Variants in CIMAP1B observed in about 807,000 individuals in gnomAD.
CIMAP1B encodes orf2 5' to PD-ECGF/TP.
the CIMAP1B span, chr22:50,530,971 C>T: frequency 1.2e-6 from 2 of 1,611,438 alleles, no homozygotes; most frequent in Non-Finnish European, 1.7e-6. Context: ...GCCAGCCGCT[C>T]TGCGGCCGTA....
the CIMAP1B span, chr22:50,531,936 C>G: frequency 1.5e-6 from 2 of 1,315,104 alleles, no homozygotes; most frequent in African/African-American, 1.5e-5. Flanking sequence ...AGGCGCCGTC[C>G]CACCCCTCAA....
chr22:50,531,755 G>A, the CIMAP1B span: 53 of 1,371,808 alleles, frequency 3.9e-5, no homozygotes, highest in African/African-American at 8.1e-4. Flanking sequence ...CGGCCGCGAC[G>A]GGTCATGCAG....
At chr22:50,530,628 C>G in the CIMAP1B span, 1 of 1,572,914 alleles carries the variant, frequency 6.4e-7, no homozygotes, top group Non-Finnish European at 8.6e-7. Flanking sequence ...CCCCTGGACC[C>G]CCGGGGACTC....
the CIMAP1B span, chr22:50,531,577 C>T: frequency 4.9e-6 from 7 of 1,414,952 alleles, no homozygotes; most frequent in Admixed American, 3.5e-5. Context: ...GACCAGGTCC[C>T]GGAGTGAGGA....
At chr22:50,532,284 G>A in the CIMAP1B span, 1 of 668,168 alleles carries the variant, frequency 1.5e-6, no homozygotes, top group Non-Finnish European at 2.1e-6. Context: ...GGCCGGGAGC[G>A]GATCCAGGGC....
chr22:50,532,147 C>T, the CIMAP1B span: 1 of 1,316,504 alleles, frequency 7.6e-7, no homozygotes, highest in Non-Finnish European at 9.7e-7. Flanking sequence ...GCCCCTGCAC[C>T]GCAAATTCTT....
the CIMAP1B span, chr22:50,530,478 G>C: frequency 6.3e-7 from 1 of 1,594,550 alleles, no homozygotes; most frequent in Non-Finnish European, 8.5e-7. Context: ...CCGCCTGGCG[G>C]GTCAGTTGTC....
the CIMAP1B span, chr22:50,532,017 C>T: frequency 7.4e-7 from 1 of 1,360,330 alleles, no homozygotes; most frequent in Non-Finnish European, 9.5e-7. Context: ...CCGTAGTGCG[C>T]CGCGATGGGG....
the CIMAP1B span, chr22:50,531,294 G>T: frequency 6.2e-7 from 1 of 1,606,490 alleles, no homozygotes; most frequent in Admixed American, 1.7e-5. Flanking sequence ...GGAAGTACCT[G>T]CCTGCGGGGC....
the CIMAP1B span, chr22:50,532,315 C>T: frequency 2.2e-6 from 1 of 450,174 alleles, no homozygotes; most frequent in Non-Finnish European, 3.6e-6. Flanking sequence ...ACTCCAGGCG[C>T]ATTAGGCAGG....
chr22:50,531,637 G>T, the CIMAP1B span: 3 of 1,384,278 alleles, frequency 2.2e-6, no homozygotes, highest in Non-Finnish European at 2.8e-6. Context: ...CGGGGGCGCC[G>T]TCGGTGCCGC....
chr22:50,530,527 G>A, the CIMAP1B span: 1 of 1,600,710 alleles, frequency 6.2e-7, no homozygotes, highest in African/African-American at 1.3e-5. Flanking sequence ...TCCGAGTGCC[G>A]GATCCCGAAA....
chr22:50,531,851 A>AC, the CIMAP1B span: 7 of 1,315,034 alleles, frequency 5.3e-6, no homozygotes, highest in South Asian at 4.5e-5. Context: ...CCCGGCACAG[A>AC]CCCCCTCTCC....
chr22:50,531,140 G>A, the CIMAP1B span: 3 of 1,589,502 alleles, frequency 1.9e-6, no homozygotes, highest in East Asian at 2.2e-5. Context: ...GGCGGTCCCC[G>A]GTCTCGAGTG....
At chr22:50,530,476 C>T in the CIMAP1B span, 6 of 1,592,886 alleles carry the variant, frequency 3.8e-6, no homozygotes, top group Admixed American at 1.8e-5. Flanking sequence ...TCCCGCCTGG[C>T]GGGTCAGTTG....
At chr22:50,532,143 G>T in the CIMAP1B span, 9 of 1,320,266 alleles carry the variant, frequency 6.8e-6, no homozygotes, top group Non-Finnish European at 8.8e-6. Flanking sequence ...CGCGGCCCCT[G>T]CACCGCAAAT....
the CIMAP1B span, chr22:50,530,563 G>A: frequency 1.7e-4 from 265 of 1,586,214 alleles, 1 homozygote; most frequent in African/African-American, 3.2e-3. Context: ...TTCCGGTGCT[G>A]CGGGCCCGGA....
the CIMAP1B span, chr22:50,531,418 G>C: frequency 2.7e-6 from 3 of 1,091,766 alleles, no homozygotes; most frequent in Admixed American, 8.6e-5. Flanking sequence ...CGTGGGGTTC[G>C]GGGTTTGGGA....
chr22:50,530,900 C>T, the CIMAP1B span: 1 of 1,608,806 alleles, frequency 6.2e-7, no homozygotes, highest in Non-Finnish European at 8.5e-7. Context: ...TGCCGCGGAC[C>T]AGGGACCCCC....
Sources: gnomAD v4.1 joint callset for allele counts on GRCh38, gnomAD v4.1.1 for gene constraint, MANE v1.5 for transcripts, NCBI Gene and HGNC (gene_info 2026-07-23, HGNC 2026-07-21) for gene names.